The following KIRREL3 variants were observed in gnomAD, a reference collection of about 807,000 sequenced individuals.
The protein encoded by KIRREL3 is kin of IRRE-like protein 3.
In KIRREL3, 36 loss-of-function variants were observed where a neutral mutation model predicts 89.7. That is an observed-to-expected ratio of 0.40 (90% CI 0.31 to 0.53). The LOEUF is 0.53. Among genes scored for constraint, KIRREL3 ranks in the 20% least tolerant of loss-of-function variants. KIRREL3 has a pLI of 0.49. For missense variants in KIRREL3, 864 were observed against 1,056.6 expected (o/e 0.82, Z 2.53); for synonymous variants, 445 against 441.4 (o/e 1.01, Z -0.10).
chr11:126,576,466 A>G lies in KIRREL3; in HGVS notation c.56-13554T>C, dbSNP rs654393. Among the ~76,000 whole-genome samples the G allele has an allele frequency of 0.67, 101,896 of 152,038 alleles. 34,218 individuals are homozygous for G. The highest frequency in any genetic ancestry group is 0.71 in the South Asian group (3,409 of 4,806). ...GACAGAGAAGAATTTTTGCCTTCCC[A>G]AGCTTCCATTTTAGACAGCTTCTAT... On this transcript the variant is annotated intron_variant, in intron 1 of 16. Coordinates refer to ENST00000525144, the MANE Select transcript of KIRREL3 (RefSeq NM_032531.4). This position sits in a 1 kb window ranked among gnomAD's most constrained non-coding sequence, Gnocchi z 5.4.
Position 126,515,887 on chromosome 11 carries a change from G to T in KIRREL3, c.433+5428C>A, listed in dbSNP as rs1037547201. 6.6e-6 allele frequency among the ~76,000 whole-genome samples: 1 copy of T among 152,208 alleles called. No homozygotes were observed. Among genetic ancestry groups the T allele is most frequent in the Admixed American group, 6.5e-5 (1 of 15,282 alleles). On this transcript the variant is annotated intron_variant, in intron 4 of 16. Transcript: ENST00000525144. This position sits in a 1 kb window ranked among gnomAD's most constrained non-coding sequence, Gnocchi z 4.2. ...TCTTGCAACCAGTTTCTGGAAGAATGGTTTAGAAGCCAGCACCCTCGAGGT... is the reference window on the plus strand; with the variant it reads ...TCTTGCAACCAGTTTCTGGAAGAATTGTTTAGAAGCCAGCACCCTCGAGGT...
intron 2 of KIRREL3, among the ~76,000 whole-genome samples, chr11:126,538,608 C>T (rs558794198): frequency 2.0e-4 from 30 of 152,184 alleles, no homozygotes; most frequent in Admixed American, 7.8e-4. Flanking sequence ...GTGACCTGCT[C>T]GGGGAACAGG....
At position 126,515,459 on chromosome 11, in the gene KIRREL3, A is replaced by G. The variant is rs1204927372; in HGVS notation, c.433+5856T>C. 2.6e-5 allele frequency among the ~76,000 whole-genome samples: 4 copies of G among 152,144 alleles called. No homozygotes were observed. Among genetic ancestry groups the G allele is most frequent in the Non-Finnish European group, 5.9e-5 (4 of 68,014 alleles). ...AGCAAGACCCTGACTCAAAAAAAAG[A>G]TGCCTAAGGAAGTGAAAAGGACCAC... On this transcript the variant is annotated intron_variant, in intron 4 of 16. Transcript: ENST00000525144. The surrounding 1 kb of genome is among the most constrained non-coding windows in gnomAD (Gnocchi z 4.2).
intron 1 of KIRREL3, among the ~76,000 whole-genome samples, chr11:126,584,809 G>A (rs541148675): frequency 6.6e-6 from 1 of 152,340 alleles, no homozygotes. Context: ...CAACCCCAAT[G>A]ATGGGCACTT....
At position 126,992,370 on chromosome 11, in the gene KIRREL3, C is replaced by G. The variant is rs149466323; in HGVS notation, c.55+8085G>C. 2.6e-4 allele frequency: 40 copies of G among 152,332 alleles called. 1 individual carries two copies. The East Asian group carries it at 7.5e-3, about 29-fold the overall frequency. The allele number at this position is 152,332 out of a possible 1,614,324, so 9.4% of individuals were successfully genotyped here. ...TCAGAACACTCTCAGCAATGAGAGACTGTTCAGTGGGCCAGCCTTAGACTT... is the reference window on the plus strand; with the variant it reads ...TCAGAACACTCTCAGCAATGAGAGAGTGTTCAGTGGGCCAGCCTTAGACTT... On this transcript the variant is annotated intron_variant, in intron 1 of 16. Transcript: ENST00000525144.
chr11:127,001,458 G>A (rs984448451), upstream of KIRREL3, among the ~76,000 whole-genome samples: 3 of 152,102 alleles, frequency 2.0e-5, no homozygotes, highest in Non-Finnish European at 4.4e-5. Context: ...CCTGGTTTGT[G>A]CATTTCCTAA....
chr11:126,599,601 G>A (rs1942555295), intron 1 of KIRREL3, among the ~76,000 whole-genome samples: 1 of 152,080 alleles, frequency 6.6e-6, no homozygotes. Flanking sequence ...AGCCTCTAGG[G>A]GTCTGTCATT....
At chr11:126,810,954 G>A (rs1023185154) in intron 1 of KIRREL3, among the ~76,000 whole-genome samples, 2 of 152,154 alleles carry the variant, frequency 1.3e-5, no homozygotes, top group Non-Finnish European at 2.9e-5. Context: ...TGTGCACACT[G>A]GAGTGTGTGC....
At chr11:126,518,278 C>T (rs1591666559) in intron 4 of KIRREL3, among the ~76,000 whole-genome samples, 1 of 152,228 alleles carries the variant, frequency 6.6e-6, no homozygotes, top group South Asian at 2.1e-4. Context: ...AGCGGCTCTG[C>T]GAGCTGGCCC....
chr11:126,483,256 C>T (rs932841425), intron 4 of KIRREL3, among the ~76,000 whole-genome samples: 2 of 152,234 alleles, frequency 1.3e-5, no homozygotes, highest in African/African-American at 4.8e-5. Flanking sequence ...CACAACTGCC[C>T]ATTCTTTGTT....
rs371478703 is a variant in KIRREL3 at position 126,750,265 on chromosome 11, A to G, written c.56-187353T>C. Among the ~76,000 whole-genome samples, 48 of 152,248 alleles carry G rather than the reference A, an allele frequency of 3.2e-4. 2 individuals are homozygous for G. The highest frequency in any genetic ancestry group is 1.1e-3 in the African/African-American group (47 of 41,544). ...CTCAGTTCGGGACTTCTACTATGGT[A>G]CTTCCTTCTCCGTAGCCACCCCATT... On this transcript the variant is annotated intron_variant, in intron 1 of 16. Coordinates refer to ENST00000525144, the MANE Select transcript of KIRREL3 (RefSeq NM_032531.4). The surrounding 1 kb of genome is among the most constrained non-coding windows in gnomAD (Gnocchi z 4.2).
rs3903109 is a variant in KIRREL3, at chr11:126,476,531, C to T, written c.434-3065G>A. Among the ~76,000 whole-genome samples, 23,291 of 152,210 alleles carry T rather than the reference C, an allele frequency of 0.15. 2,180 individuals are homozygous for T. Among genetic ancestry groups the T allele is most frequent in the Admixed American group, 0.31 (4,722 of 15,296 alleles). On this transcript the variant is annotated intron_variant, in intron 4 of 16. Coordinates refer to ENST00000525144, the MANE Select transcript of KIRREL3 (RefSeq NM_032531.4). This position sits in a 1 kb window ranked among gnomAD's most constrained non-coding sequence, Gnocchi z 6.4. ...GAGTGCTCAGGCACACGCACAGCCA[C>T]GCACATACATCCACCCTCAGAATGG... is the stretch of plus-strand genomic sequence containing the variant.
Position 126,727,379 on chromosome 11 carries a change from C to G in KIRREL3, c.56-164467G>C, listed in dbSNP as rs187265685. ...ACCAGAAATGTCTTTTTGGTGGCCTCAACCTGAGAAGGAAGGCTACAGAGC... is the reference window on the plus strand; with the variant it reads ...ACCAGAAATGTCTTTTTGGTGGCCTGAACCTGAGAAGGAAGGCTACAGAGC... On this transcript the variant is annotated intron_variant, in intron 1 of 16. Coordinates refer to ENST00000525144, the MANE Select transcript of KIRREL3 (RefSeq NM_032531.4). Among the ~76,000 whole-genome samples the G allele has an allele frequency of 3.9e-3, 594 of 152,352 alleles. 2 individuals are homozygous for G. Among genetic ancestry groups the G allele is most frequent in the Non-Finnish European group, 5.9e-3 (403 of 68,034 alleles).
chr11:126,439,160 A>G (rs1832810445), intron 11 of KIRREL3, among the ~76,000 whole-genome samples: 2 of 152,170 alleles, frequency 1.3e-5, no homozygotes, highest in Non-Finnish European at 2.9e-5. Flanking sequence ...GTGAAACCTT[A>G]TCTACTAAAA....
rs772862852 is a variant in KIRREL3, at chr11:126,575,750, C to T, written c.56-12838G>A. On this transcript the variant is annotated intron_variant, in intron 1 of 16. Transcript: ENST00000525144. The surrounding 1 kb of genome is among the most constrained non-coding windows in gnomAD (Gnocchi z 7.0). ...GGCTGCCTGGTGGCTGTCCTGGGGC[C>T]GCTGTTCCTTCTATCAGGGATTCTC... Among the ~76,000 whole-genome samples, 4 of 152,104 alleles carry T rather than the reference C, an allele frequency of 2.6e-5. No individual in the cohort carries two copies. The highest frequency in any genetic ancestry group is 4.4e-5 in the Non-Finnish European group (3 of 68,030).
At position 126,640,467 on chromosome 11, in the gene KIRREL3, GT is replaced by G. The variant is rs1203511981; in HGVS notation, c.56-77556del. The stretch of plus-strand genomic sequence containing the variant: ...AGCAACATCAAAAGCATTCCAATCT[GT>G]TCCCTGCATACATTACATGCATAGA... On this transcript the variant is annotated intron_variant, in intron 1 of 16. Transcript: ENST00000525144. The surrounding 1 kb of genome is among the most constrained non-coding windows in gnomAD (Gnocchi z 4.9). 6.6e-6 allele frequency among the ~76,000 whole-genome samples: 1 copy of G among 152,182 alleles called. No individual in the cohort carries two copies. Among genetic ancestry groups the G allele is most frequent in the African/African-American group, 2.4e-5 (1 of 41,452 alleles).
chr11:126,888,135 A>C (rs7927694), intron 1 of KIRREL3, among the ~76,000 whole-genome samples: 93,899 of 152,102 alleles, frequency 0.62, 30,533 homozygotes, highest in African/African-American at 0.82. Flanking sequence ...ATAAACAAAC[A>C]TACAGCACAT....
At position 126,463,223 on chromosome 11, in the gene KIRREL3, C is replaced by G; in HGVS notation, c.676G>C (p.Val226Leu). The part of the protein sequence containing the change: ...PGDVENGQSI[V>L]CRATNKAIPG... ...ATGGCTTTGTTGGTGGCACGACACA[C>G]GATGCTCTGGCCATTCTCCACGTCA... The change falls in exon 6 of 17, where the codon GTG becomes CTG. Residue 226 changes from valine to leucine, a missense_variant. Physicochemically the swap from Val to Leu is conservative, Grantham distance 32. Transcript: ENST00000525144. The surrounding 1 kb of genome is among the most constrained non-coding windows in gnomAD (Gnocchi z 5.9). The G allele has an allele frequency of 6.2e-7, 1 of 1,613,952 alleles. No individual in the cohort carries two copies. The highest frequency in any genetic ancestry group is 1.3e-5 in the African/African-American group (1 of 75,042).
chr11:126,963,348 GACAC>G (rs1262185314), intron 1 of KIRREL3, among the ~76,000 whole-genome samples: 1 of 149,558 alleles, frequency 6.7e-6, no homozygotes, highest in Non-Finnish European at 1.5e-5. Context: ...CACACACACA[GACAC>G]ACACACAGAT....
Sources: allele counts gnomAD v4.1 joint callset (sites outside exome capture counted in the v4.1 genomes callset), GRCh38; gene constraint gnomAD v4.1.1; non-coding constraint Gnocchi (gnomAD v3.1); transcripts MANE v1.5; gene names NCBI Gene and HGNC (gene_info 2026-07-23, HGNC 2026-07-21).